Variants in ANKRD22 observed in about 807,000 individuals in gnomAD.
The protein encoded by ANKRD22 is ankyrin repeat domain 22.
Under a neutral mutation model 25.7 loss-of-function variants are expected in ANKRD22, and 24 were observed. That is an observed-to-expected ratio of 0.93 (90% confidence interval 0.68 to 1.31). The LOEUF (loss-of-function observed/expected upper bound fraction) is 1.31. Among genes scored for constraint, ANKRD22 ranks in the 50% most tolerant of loss-of-function variants. The pLI, the probability that ANKRD22 is intolerant of heterozygous loss-of-function variation, is 0.00. For missense variants in ANKRD22, 214 were observed against 227.1 expected (o/e 0.94, Z 0.37); for synonymous variants, 84 against 84.3 (o/e 1.00, Z 0.02).
intron 1 of ANKRD22, among the ~76,000 whole-genome samples, chr10:88,845,427 G>T (rs1004666953): frequency 6.6e-6 from 1 of 151,874 alleles, no homozygotes; most frequent in East Asian, 1.9e-4. Context: ...TCTCTTGCCC[G>T]AGCCTCTCCT....
At chr10:88,829,637 T>C (rs1843886617) in intron 2 of ANKRD22, among the ~76,000 whole-genome samples, 1 of 149,486 alleles carries the variant, frequency 6.7e-6, no homozygotes. Context: ...ATTTAGAATA[T>C]GTACATTTTT....
intron 1 of ANKRD22, among the ~76,000 whole-genome samples, chr10:88,845,812 C>A (rs541606714): frequency 2.0e-5 from 3 of 152,134 alleles, no homozygotes; most frequent in Non-Finnish European, 4.4e-5. Flanking sequence ...ACCAGAGTGG[C>A]CTTTTTAAAC....
chr10:88,823,140 A>G, intron 5 of ANKRD22, 122 bp from the exon 6 acceptor site: 3 of 1,231,984 alleles, frequency 2.4e-6, no homozygotes, highest in Non-Finnish European at 2.4e-6. Context: ...TAATAGTAAT[A>G]GGATAACTTC....
At chr10:88,843,525 T>C (rs1045092161) in intron 1 of ANKRD22, among the ~76,000 whole-genome samples, 22 of 152,202 alleles carry the variant, frequency 1.4e-4, no homozygotes, top group African/African-American at 5.1e-4. Context: ...TTTTCATTTT[T>C]CAAAATTGTT....
chr10:88,828,727 T>C, intron 2 of ANKRD22, 61 bp from the exon 3 acceptor site: 1 of 1,277,324 alleles, frequency 7.8e-7, no homozygotes, highest in South Asian at 1.3e-5. Flanking sequence ...TTTATTCAGA[T>C]GGCCATCTCA....
intron 1 of ANKRD22, among the ~76,000 whole-genome samples, chr10:88,840,984 G>GT (rs1258911019): frequency 1.3e-5 from 2 of 152,134 alleles, no homozygotes; most frequent in Non-Finnish European, 2.9e-5. Flanking sequence ...GTGTAGAGAA[G>GT]TCATAGTTCC....
rs1843808831 is a variant in ANKRD22 at position 88,822,544 on chromosome 10, C to CTTTTTTTTTGTTTTTTTTTTTTTTTT, written c.*396_*397insAAAAAAAAAAAAAAAACAAAAAAAAA. ...AAAGACTGAGTTTGGAACACCAGGG[C>CTTTTTTTTTGTTTTTTTTTTTTTTTT]TTTTTTTTTTTTTTTTTTTTTTGAG... On this transcript the variant is annotated 3_prime_UTR_variant, in exon 6 of 6. Coordinates refer to ENST00000371930, the MANE Select transcript of ANKRD22 (RefSeq NM_144590.3). 2.7e-5 allele frequency: 1 copy of CTTTTTTTTTGTTTTTTTTTTTTTTTT among 36,438 alleles called. No individual in the cohort carries two copies. The allele number at this position is 36,438 out of a possible 1,614,324, so 2.3% of individuals were successfully genotyped here.
intron 1 of ANKRD22, among the ~76,000 whole-genome samples, chr10:88,845,839 T>A (rs1194310671): frequency 6.6e-6 from 1 of 152,162 alleles, no homozygotes; most frequent in Non-Finnish European, 1.5e-5. Context: ...GGTCATATTA[T>A]TCCTCTCTTA....
At chr10:88,833,022 C>T (rs1274023609) in intron 1 of ANKRD22, among the ~76,000 whole-genome samples, 2 of 152,194 alleles carry the variant, frequency 1.3e-5, no homozygotes. Context: ...TTACTCCCAA[C>T]ATTCAGTATC....
At position 88,820,683 on chromosome 10, in the gene ANKRD22, G is replaced by A. The variant is rs2133066634; in HGVS notation, c.*2258C>T. 1 of 631,172 alleles carries A rather than the reference G, an allele frequency of 1.6e-6. No individual in the cohort carries two copies. Among genetic ancestry groups the A allele is most frequent in the East Asian group, 2.8e-5 (1 of 36,100 alleles). The allele number at this position is 631,172 out of a possible 1,614,324, so 39.1% of individuals were successfully genotyped here. A position where few individuals can be genotyped will look rare whatever the true frequency, so the allele number is the denominator to read the frequency against. ...AATTAAAGTACTTATTAGGTAAATAGAGGTTTTGTATGCTATTATATATTC... is the reference window on the plus strand; with the variant it reads ...AATTAAAGTACTTATTAGGTAAATAAAGGTTTTGTATGCTATTATATATTC... On this transcript the variant is annotated 3_prime_UTR_variant, in exon 6 of 6. Coordinates refer to ENST00000371930, the MANE Select transcript of ANKRD22 (RefSeq NM_144590.3).
rs58986570 is a variant in ANKRD22 at position 88,826,324 on chromosome 10, C to T, written c.322-209G>A. 0.015 allele frequency among the ~76,000 whole-genome samples: 2,264 copies of T among 152,284 alleles called. 97 individuals are homozygous for T. In the East Asian group the frequency reaches 0.16, roughly 11 times the overall value. On this transcript the variant is annotated intron_variant, in intron 3 of 5. Transcript: ENST00000371930. ...AGACTGTGGTCCTGAAGTAGCGGCACTGACACCTAAGAACCTTAGAAATGT... is the reference window on the plus strand; with the variant it reads ...AGACTGTGGTCCTGAAGTAGCGGCATTGACACCTAAGAACCTTAGAAATGT...
At chr10:88,849,296 C>A (rs1328087618) in intron 1 of ANKRD22, among the ~76,000 whole-genome samples, 2 of 152,084 alleles carry the variant, frequency 1.3e-5, no homozygotes, top group African/African-American at 2.4e-5. Context: ...GTAGAATGTA[C>A]CTCATTGGAC....
At chr10:88,833,273 C>T (rs573855511) in intron 1 of ANKRD22, among the ~76,000 whole-genome samples, 21 of 152,242 alleles carry the variant, frequency 1.4e-4, no homozygotes, top group Non-Finnish European at 2.2e-4. Context: ...TTTTAAAAAG[C>T]ATTTAGAGTA....
At chr10:88,827,589 A>T (rs1238461624) in intron 3 of ANKRD22, among the ~76,000 whole-genome samples, 1 of 152,236 alleles carries the variant, frequency 6.6e-6, no homozygotes, top group African/African-American at 2.4e-5. Context: ...TTCTTCGAGG[A>T]TATGAGCAGA....
intron 1 of ANKRD22, among the ~76,000 whole-genome samples, chr10:88,845,914 G>A (rs1449369429): frequency 1.3e-5 from 2 of 152,052 alleles, no homozygotes; most frequent in African/African-American, 4.8e-5. Context: ...TGGCCTACAA[G>A]ACCTGCCTGA....
chr10:88,837,402 T>A (rs1843964067), intron 1 of ANKRD22, among the ~76,000 whole-genome samples: 1 of 152,092 alleles, frequency 6.6e-6, no homozygotes, highest in Non-Finnish European at 1.5e-5. Flanking sequence ...ACAGGAGTGG[T>A]TATGAGAGGG....
intron 1 of ANKRD22, among the ~76,000 whole-genome samples, chr10:88,834,681 T>C (rs1423952842): frequency 1.3e-5 from 2 of 152,248 alleles, no homozygotes; most frequent in Admixed American, 1.3e-4. Context: ...ACGCCTGTAA[T>C]CCTAGCACTT....
At chr10:88,829,043 T>G (rs1843881786) in intron 2 of ANKRD22, among the ~76,000 whole-genome samples, 1 of 152,254 alleles carries the variant, frequency 6.6e-6, no homozygotes, top group Admixed American at 6.5e-5. Flanking sequence ...TGTGTACGAT[T>G]ATCCATTTTG....
chr10:88,826,797 T>C (rs1029379656), intron 3 of ANKRD22, among the ~76,000 whole-genome samples: 2 of 152,160 alleles, frequency 1.3e-5, no homozygotes, highest in East Asian at 1.9e-4. Context: ...ACCCGCTTTA[T>C]GGTAATTTTA....
Sources: allele counts gnomAD v4.1 joint callset (sites outside exome capture counted in the v4.1 genomes callset), GRCh38; gene constraint gnomAD v4.1.1; transcripts MANE v1.5; gene names NCBI Gene and HGNC (gene_info 2026-07-23, HGNC 2026-07-21).